The following CANX variants were observed in gnomAD, a reference collection of about 807,000 sequenced individuals.
The protein encoded by CANX is calnexin, also known as epididymis secretory sperm binding protein.
In CANX, 14 loss-of-function variants were observed where a neutral mutation model predicts 75.7. That is an observed-to-expected ratio of 0.19 (90% CI 0.12 to 0.29). CANX has a LOEUF of 0.29. Ranked by LOEUF, CANX falls within the 10% of genes least tolerant of loss-of-function variation. The probability of loss-of-function intolerance (pLI) is 1.00; values close to 1 mark genes in which losing one functional copy is unlikely to be tolerated. For synonymous variants in CANX, 227 were observed against 236.9 expected, an observed-to-expected ratio of 0.96 and a Z score of 0.38; for missense variants, 567 against 713.2, an observed-to-expected ratio of 0.79 and a Z score of 2.34.
chr5:179,700,442 GT>G (rs1423758511), intron 1 of CANX: 1 of 152,186 alleles, frequency 6.6e-6, no homozygotes, highest in African/African-American at 2.4e-5. Flanking sequence ...TGGATCAACT[GT>G]TGTACATTTG....
chr5:179,719,506 A>G (rs1562503510), intron 8 of CANX, among the ~76,000 whole-genome samples, 162 bp from the exon 9 acceptor site: 1 of 152,232 alleles, frequency 6.6e-6, no homozygotes, highest in Non-Finnish European at 1.5e-5. Flanking sequence ...TTATTTTACT[A>G]GGCCCTTAGC....
intron 7 of CANX, among the ~76,000 whole-genome samples, chr5:179,711,800 AAAAAT>A (rs1368939930): frequency 2.7e-5 from 4 of 149,208 alleles, no homozygotes; most frequent in Non-Finnish European, 6.0e-5. Context: ...AAAAAAAAAA[AAAAAT>A]TGGTATTTTT....
At chr5:179,727,752 C>T (rs563109706) in intron 14 of CANX, among the ~76,000 whole-genome samples, 210 of 152,240 alleles carry the variant, frequency 1.4e-3, no homozygotes, top group Non-Finnish European at 2.6e-3. Flanking sequence ...AGGAAAGATA[C>T]GGTGGCCCCA....
intron 1 of CANX, among the ~76,000 whole-genome samples, chr5:179,691,904 A>C (rs1776304862): frequency 6.6e-6 from 1 of 151,470 alleles, no homozygotes; most frequent in South Asian, 2.1e-4. Flanking sequence ...CAGCCTCCCG[A>C]GTAGCTGGGA....
chr5:179,679,063 G>A (rs1308716375), intron 1 of CANX: 1 of 1,534,840 alleles, frequency 6.5e-7, no homozygotes, highest in African/African-American at 1.4e-5. Flanking sequence ...GCCGCGAGAT[G>A]TGATCGGCCC....
At chr5:179,728,240 C>T (rs932004178) in intron 14 of CANX, among the ~76,000 whole-genome samples, 1 of 152,162 alleles carries the variant, frequency 6.6e-6, no homozygotes, top group Non-Finnish European at 1.5e-5. Flanking sequence ...TTCATGAATC[C>T]TTGGTTTCTT....
At chr5:179,725,439 T>TG (rs1214491142) in intron 13 of CANX, among the ~76,000 whole-genome samples, 3 of 151,652 alleles carry the variant, frequency 2.0e-5, no homozygotes, top group Admixed American at 1.3e-4. Context: ...TCCAGCACTT[T>TG]GGGGGGCCGA....
chr5:179,704,665 G>A lies in CANX; in HGVS notation c.-3-1014G>A, dbSNP rs187296177. Among the ~76,000 whole-genome samples, 352 of 152,128 alleles carry A rather than the reference G, an allele frequency of 2.3e-3. 1 individual carries two copies. Among genetic ancestry groups the A allele is most frequent in the Non-Finnish European group, 4.3e-3 (295 of 67,994 alleles). On this transcript the variant is annotated intron_variant, in intron 1 of 14. Transcript: ENST00000247461. ...AGCCTGGCCAACATGGCGAAACCCT[G>A]TCTATACTAAAAGTACAAAAATTAG...
At chr5:179,697,781 C>T (rs536838181), upstream of CANX, among the ~76,000 whole-genome samples, 414 of 152,246 alleles carry the variant, frequency 2.7e-3, 4 homozygotes, top group Non-Finnish European at 2.5e-3. Flanking sequence ...ATCCCAGCTA[C>T]TCGGGAGGCT....
chr5:179,696,077 G>A (rs1283532598), upstream of CANX, among the ~76,000 whole-genome samples: 1 of 151,778 alleles, frequency 6.6e-6, no homozygotes, highest in Non-Finnish European at 1.5e-5. Context: ...AAGCCACTAT[G>A]CCAAGCTAAT....
At chr5:179,725,027 C>A (rs1255400600) in intron 13 of CANX, among the ~76,000 whole-genome samples, 1 of 151,524 alleles carries the variant, frequency 6.6e-6, no homozygotes, top group African/African-American at 2.4e-5. Context: ...CTCTCTCTCT[C>A]TTTTTTATTT....
chr5:179,714,092 G>A (rs112500613), intron 7 of CANX, among the ~76,000 whole-genome samples: 5,131 of 152,132 alleles, frequency 0.034, 123 homozygotes, highest in African/African-American at 0.042. Context: ...TCTGCCTCCC[G>A]GGTTCAAGCG....
intron 6 of CANX, among the ~76,000 whole-genome samples, chr5:179,709,283 A>G (rs1777362555): frequency 6.6e-6 from 1 of 152,074 alleles, no homozygotes; most frequent in African/African-American, 2.4e-5. Context: ...GCGTGGTGGC[A>G]GGCGCCTGTA....
chr5:179,699,775 G>A (rs1387200333), intron 1 of CANX: 2 of 152,310 alleles, frequency 1.3e-5, no homozygotes, highest in Non-Finnish European at 2.9e-5. Flanking sequence ...CTGGAGGTAT[G>A]AAATGACTGG....
At chr5:179,680,869 A>C in intron 1 of CANX, 2 of 1,534,502 alleles carry the variant, frequency 1.3e-6, no homozygotes, top group Non-Finnish European at 1.7e-6. Flanking sequence ...TGGATGGTAC[A>C]TACCATCCCC....
chr5:179,726,345 A>G (rs1474589992), intron 13 of CANX, among the ~76,000 whole-genome samples: 1 of 151,992 alleles, frequency 6.6e-6, no homozygotes, highest in Non-Finnish European at 1.5e-5. Flanking sequence ...TTGGGAGGCC[A>G]CCGAGGAGAT....
intron 5 of CANX, 37 bp from the exon 6 acceptor site, chr5:179,708,941 A>G: frequency 9.5e-7 from 1 of 1,051,756 alleles, no homozygotes; most frequent in Non-Finnish European, 1.5e-6. Flanking sequence ...ATCTTTCAAA[A>G]TGCCATACAG....
chr5:179,710,159 A>G (rs1044191869), intron 7 of CANX, 94 bp downstream of exon 7: 7 of 778,946 alleles, frequency 9.0e-6, no homozygotes, highest in Non-Finnish European at 1.4e-5. Context: ...ACTGTGGCTC[A>G]CGCCTGTAAT....
intron 11 of CANX, 46 bp from the exon 12 acceptor site, chr5:179,723,613 TG>T: frequency 6.2e-7 from 1 of 1,603,752 alleles, no homozygotes. Context: ...GGCCTATGTT[TG>T]GTGTCAAAAG....
Sources: allele counts gnomAD v4.1 joint callset (sites outside exome capture counted in the v4.1 genomes callset), GRCh38; gene constraint gnomAD v4.1.1; transcripts MANE v1.5; gene names NCBI Gene and HGNC (gene_info 2026-07-23, HGNC 2026-07-21).